Variants in CNTN6 observed in about 807,000 individuals in gnomAD.
The protein encoded by CNTN6 is contactin 6, also known as contactin-6.
Under a neutral mutation model 122.8 loss-of-function variants are expected in CNTN6, and 137 were observed. The observed-to-expected ratio is 1.12, with a 90% CI of 0.97 to 1.29. The LOEUF (loss-of-function observed/expected upper bound fraction) is 1.29, where lower values mean the gene tolerates loss of function less well. Ranked by LOEUF, CNTN6 falls within the 50% of genes most tolerant of loss-of-function variation. CNTN6 has a pLI of 0.00. For missense variants in CNTN6, 1,634 were observed against 1,223.4 expected, an observed-to-expected ratio of 1.34 and a Z score of -5.01; for synonymous variants, 570 against 426.0, an observed-to-expected ratio of 1.34 and a Z score of -4.16.
intron 7 of CNTN6, among the ~76,000 whole-genome samples, chr3:1,299,325 G>C (rs1176154222): frequency 6.6e-6 from 1 of 151,912 alleles, no homozygotes; most frequent in Non-Finnish European, 1.5e-5. Context: ...CAAATTCTTT[G>C]ATAATTAGAT....
intron 5 of CNTN6, among the ~76,000 whole-genome samples, chr3:1,283,758 G>A (rs971482618): frequency 6.6e-6 from 1 of 152,136 alleles, no homozygotes; most frequent in Admixed American, 6.5e-5. Context: ...CCAGCACTTT[G>A]GGAGGCCAAG....
intron 1 of CNTN6, among the ~76,000 whole-genome samples, chr3:1,113,140 G>A (rs1299616620): frequency 6.6e-6 from 1 of 152,150 alleles, no homozygotes; most frequent in Non-Finnish European, 1.5e-5. Flanking sequence ...CAAATGATAA[G>A]AGATGAGACT....
intron 1 of CNTN6, among the ~76,000 whole-genome samples, chr3:1,093,540 T>G (rs536996000): frequency 6.6e-6 from 1 of 152,104 alleles, no homozygotes; most frequent in Non-Finnish European, 1.5e-5. Context: ...TTTTTTTTTT[T>G]TAATCAAAGG....
chr3:1,153,004 A>G (rs972788637), intron 2 of CNTN6, among the ~76,000 whole-genome samples: 13 of 152,212 alleles, frequency 8.5e-5, no homozygotes, highest in African/African-American at 3.1e-4. Context: ...CTCTTTTAAC[A>G]TTCTTATTTT....
At chr3:1,357,348 C>T (rs112965401) in intron 12 of CNTN6, among the ~76,000 whole-genome samples, 2,450 of 151,894 alleles carry the variant, frequency 0.016, 58 homozygotes, top group African/African-American at 0.056. Flanking sequence ...TACTAACTAA[C>T]GTGGAACTTG....
At chr3:1,115,338 G>A (rs2091671627) in intron 1 of CNTN6, among the ~76,000 whole-genome samples, 1 of 152,086 alleles carries the variant, frequency 6.6e-6, no homozygotes, top group Non-Finnish European at 1.5e-5. Flanking sequence ...AAGAAGGTAA[G>A]ACCCCAACTA....
intron 11 of CNTN6, among the ~76,000 whole-genome samples, chr3:1,333,489 A>T (rs1366002524): frequency 6.6e-6 from 1 of 152,108 alleles, no homozygotes; most frequent in Non-Finnish European, 1.5e-5. Context: ...AAAAAGTCAG[A>T]TATAGGAAAA....
chr3:1,139,840 C>A (rs1379061605), intron 1 of CNTN6, among the ~76,000 whole-genome samples: 1 of 152,180 alleles, frequency 6.6e-6, no homozygotes, highest in Non-Finnish European at 1.5e-5. Flanking sequence ...AGTTTGAACA[C>A]TCAGCAGCGT....
intron 1 of CNTN6, among the ~76,000 whole-genome samples, chr3:1,094,598 AT>A (rs1008302512): frequency 4.0e-5 from 6 of 151,632 alleles, no homozygotes; most frequent in Non-Finnish European, 5.9e-5. Flanking sequence ...AAGGACCAGA[AT>A]TTTTTTTTAG....
At chr3:1,267,900 G>C (rs74687312) in intron 4 of CNTN6, among the ~76,000 whole-genome samples, 1 of 150,122 alleles carries the variant, frequency 6.7e-6, no homozygotes, top group African/African-American at 2.5e-5. Flanking sequence ...AAAAAAACAC[G>C]TCCCTTGATG....
intron 2 of CNTN6, among the ~76,000 whole-genome samples, chr3:1,182,836 T>C (rs1020878160): frequency 6.6e-6 from 1 of 152,156 alleles, no homozygotes; most frequent in Non-Finnish European, 1.5e-5. Context: ...TGGTGTTGCA[T>C]GAACAATTTA....
intron 5 of CNTN6, among the ~76,000 whole-genome samples, chr3:1,289,394 G>T (rs1400833379): frequency 6.6e-6 from 1 of 152,130 alleles, no homozygotes; most frequent in African/African-American, 2.4e-5. Flanking sequence ...GCACAAAAGG[G>T]CACCTGGATT....
At chr3:1,391,778 C>T (rs1437673872) in intron 20 of CNTN6, among the ~76,000 whole-genome samples, 1 of 149,696 alleles carries the variant, frequency 6.7e-6, no homozygotes, top group African/African-American at 2.5e-5. Context: ...AACAGAGAGC[C>T]AAATCATGAG....
intron 2 of CNTN6, among the ~76,000 whole-genome samples, chr3:1,202,940 C>T (rs952649873): frequency 6.6e-6 from 1 of 152,064 alleles, no homozygotes; most frequent in Non-Finnish European, 1.5e-5. Flanking sequence ...TGAATTCAGT[C>T]TAGTATAATT....
intron 4 of CNTN6, among the ~76,000 whole-genome samples, chr3:1,228,645 A>G (rs1315805753): frequency 6.6e-6 from 1 of 152,158 alleles, no homozygotes; most frequent in Non-Finnish European, 1.5e-5. Flanking sequence ...GCTTGAGAGT[A>G]ATTATATCTG....
chr3:1,270,432 G>A (rs2095004536), intron 4 of CNTN6, among the ~76,000 whole-genome samples: 1 of 152,164 alleles, frequency 6.6e-6, no homozygotes, highest in Non-Finnish European at 1.5e-5. Flanking sequence ...TGGGAGTTCT[G>A]TGAGACTTAT....
chr3:1,136,669 T>G (rs2092483080), intron 1 of CNTN6, among the ~76,000 whole-genome samples: 1 of 152,174 alleles, frequency 6.6e-6, no homozygotes. Flanking sequence ...GCACCTCTAA[T>G]AAGTAGAAAT....
intron 1 of CNTN6, among the ~76,000 whole-genome samples, chr3:1,098,789 C>CACACATATATATATATATAT (rs1211008614): frequency 9.5e-4 from 60 of 63,220 alleles, no homozygotes; most frequent in Non-Finnish European, 1.4e-3. Context: ...CACACACACA[C>CACACATATATATATATATAT]ATATATATAT....
intron 5 of CNTN6, among the ~76,000 whole-genome samples, chr3:1,286,384 G>T (rs1033632826): frequency 1.3e-5 from 2 of 151,966 alleles, no homozygotes; most frequent in African/African-American, 2.4e-5. Context: ...TGTGTGATGG[G>T]CCCCTCCCTG....
Sources: gnomAD v4.1 joint callset for allele counts (sites outside exome capture counted in the v4.1 genomes callset) on GRCh38, gnomAD v4.1.1 for gene constraint, MANE v1.5 for transcripts, NCBI Gene and HGNC (gene_info 2026-07-23, HGNC 2026-07-21) for gene names.